Variants in RBMS3 observed in about 807,000 individuals in gnomAD.
RBMS3 encodes RNA binding motif single stranded interacting protein 3, also known as RNA-binding motif, single-stranded-interacting protein 3.
Under a neutral mutation model 66.8 loss-of-function variants are expected in RBMS3, and 27 were observed. The ratio of observed to expected loss-of-function variants is 0.40; its 90% CI spans 0.30 to 0.56. The LOEUF (loss-of-function observed/expected upper bound fraction) is 0.56. RBMS3 is among the 20% of genes least tolerant of loss of function. RBMS3 has a pLI of 0.40. For synonymous variants in RBMS3, 188 were observed against 183.0 expected, an observed-to-expected ratio of 1.03 and a Z score of -0.22; for missense variants, 513 against 549.5, an observed-to-expected ratio of 0.93 and a Z score of 0.66.
chr3:29,695,568 C>T (rs896881158), intron 4 of RBMS3, among the ~76,000 whole-genome samples: 1 of 152,044 alleles, frequency 6.6e-6, no homozygotes, highest in African/African-American at 2.4e-5. Flanking sequence ...ATTTTTTCCC[C>T]TTTTTTTCTT....
chr3:29,540,889 A>G (rs1340320335), intron 3 of RBMS3, among the ~76,000 whole-genome samples: 2 of 152,194 alleles, frequency 1.3e-5, no homozygotes, highest in Admixed American at 1.3e-4. Flanking sequence ...AATTTAACAT[A>G]GGGATGGATT....
chr3:29,443,959 A>C (rs561713580), intron 2 of RBMS3, among the ~76,000 whole-genome samples: 2 of 152,280 alleles, frequency 1.3e-5, no homozygotes, highest in Admixed American at 1.3e-4. Context: ...GCCATTTCAG[A>C]AAATGAAAAG....
chr3:29,615,071 T>A (rs1374106705), intron 4 of RBMS3: 1 of 152,466 alleles, frequency 6.6e-6, no homozygotes. Context: ...ATGATTTGTG[T>A]TCAGTGACAG....
intron 2 of RBMS3, among the ~76,000 whole-genome samples, chr3:29,435,221 G>A (rs2041355663): frequency 6.6e-6 from 1 of 152,148 alleles, no homozygotes; most frequent in Non-Finnish European, 1.5e-5. Flanking sequence ...TGTGGCCAGT[G>A]GAGTCATTGA....
At chr3:29,825,908 A>C (rs1236671605) in intron 6 of RBMS3, among the ~76,000 whole-genome samples, 2 of 152,242 alleles carry the variant, frequency 1.3e-5, no homozygotes, top group Non-Finnish European at 2.9e-5. Flanking sequence ...AGAATAAATA[A>C]GAAAGTGTTT....
chr3:29,461,838 C>T (rs1356412933), intron 2 of RBMS3, among the ~76,000 whole-genome samples: 2 of 151,516 alleles, frequency 1.3e-5, no homozygotes, highest in Admixed American at 1.3e-4. Flanking sequence ...ACTGCAAGCT[C>T]CTCCTCCCAG....
chr3:29,714,873 T>TA (rs2053325213), intron 4 of RBMS3, among the ~76,000 whole-genome samples: 1 of 152,146 alleles, frequency 6.6e-6, no homozygotes, highest in Admixed American at 6.6e-5. Flanking sequence ...AGTTAGCAGT[T>TA]ACAGACCTTG....
chr3:29,457,676 C>G (rs1262314934), intron 2 of RBMS3, among the ~76,000 whole-genome samples: 1 of 152,156 alleles, frequency 6.6e-6, no homozygotes, highest in African/African-American at 2.4e-5. Context: ...GAGCTGAGAT[C>G]TTGCCCCTGC....
At chr3:29,687,098 T>C (rs2051766080) in intron 4 of RBMS3, among the ~76,000 whole-genome samples, 1 of 152,194 alleles carries the variant, frequency 6.6e-6, no homozygotes, top group Admixed American at 6.5e-5. Flanking sequence ...TCTTTATGTG[T>C]GGTTTCTTTT....
At chr3:29,953,141 GGGAA>G (rs936020885) in intron 12 of RBMS3, among the ~76,000 whole-genome samples, 2 of 151,856 alleles carry the variant, frequency 1.3e-5, no homozygotes, top group Non-Finnish European at 2.9e-5. Context: ...ATATGACTTT[GGGAA>G]GGGTGTGAAG....
At chr3:29,659,539 A>T (rs144342086) in intron 4 of RBMS3, among the ~76,000 whole-genome samples, 1 of 152,202 alleles carries the variant, frequency 6.6e-6, no homozygotes, top group Non-Finnish European at 1.5e-5. Context: ...AAGATCATGC[A>T]TGTTGTAGCA....
intron 1 of RBMS3, among the ~76,000 whole-genome samples, chr3:29,302,357 C>T (rs1320997738): frequency 2.0e-5 from 3 of 151,746 alleles, no homozygotes; most frequent in Non-Finnish European, 4.4e-5. Flanking sequence ...TTGTTGTATA[C>T]AAAATAGCCA....
chr3:29,405,385 ATTCT>A (rs2039976580), intron 1 of RBMS3, among the ~76,000 whole-genome samples: 1 of 152,160 alleles, frequency 6.6e-6, no homozygotes, highest in African/African-American at 2.4e-5. Context: ...ACTTTTAAGA[ATTCT>A]TTATTTTGTG....
At chr3:29,511,737 A>G (rs1370019838) in intron 3 of RBMS3, among the ~76,000 whole-genome samples, 2 of 152,178 alleles carry the variant, frequency 1.3e-5, no homozygotes, top group Non-Finnish European at 2.9e-5. Flanking sequence ...CCACTTCACC[A>G]TTTATAAGAA....
chr3:29,809,683 A>AT lies in RBMS3; in HGVS notation c.637+46703dup, dbSNP rs574708630. ...CAAGGCTGTCACTATCTTCTCACAG[A>AT]TTTTTTTTTAGGAATTAGGAGAAAG... is the stretch of plus-strand genomic sequence containing the variant. On this transcript the variant is annotated intron_variant, in intron 6 of 14. Coordinates refer to ENST00000383767, the MANE Select transcript of RBMS3 (RefSeq NM_001003793.3). 2.5e-3 allele frequency among the ~76,000 whole-genome samples: 385 copies of AT among 151,246 alleles called. 5 individuals are homozygous for AT. Among genetic ancestry groups the AT allele is most frequent in the African/African-American group, 8.8e-3 (363 of 41,328 alleles).
chr3:29,727,660 C>T (rs2053943144), intron 4 of RBMS3, among the ~76,000 whole-genome samples: 1 of 152,092 alleles, frequency 6.6e-6, no homozygotes, highest in South Asian at 2.1e-4. Flanking sequence ...CAATGAGATA[C>T]CATCTCATGC....
At chr3:29,291,320 A>G (rs2032796811) in intron 1 of RBMS3, among the ~76,000 whole-genome samples, 1 of 151,916 alleles carries the variant, frequency 6.6e-6, no homozygotes, top group African/African-American at 2.4e-5. Flanking sequence ...ATATCTCTGT[A>G]TTTTAGTAAT....
At chr3:29,492,979 G>A (rs1346385765) in intron 3 of RBMS3, among the ~76,000 whole-genome samples, 1 of 152,090 alleles carries the variant, frequency 6.6e-6, no homozygotes, top group African/African-American at 2.4e-5. Context: ...GCAATAAAGA[G>A]CATACAGTTG....
intron 6 of RBMS3, among the ~76,000 whole-genome samples, chr3:29,799,893 G>A (rs2057334744): frequency 6.6e-6 from 1 of 152,136 alleles, no homozygotes; most frequent in African/African-American, 2.4e-5. Context: ...AGTTATATCA[G>A]CAAATAGGTG....
Sources: allele counts gnomAD v4.1 joint callset (sites outside exome capture counted in the v4.1 genomes callset), GRCh38; gene constraint gnomAD v4.1.1; transcripts MANE v1.5; gene names NCBI Gene and HGNC (gene_info 2026-07-23, HGNC 2026-07-21).